Variants in FYB1 observed in about 807,000 individuals in gnomAD.
The protein encoded by FYB1 is FYN binding protein 1, also known as FYN-binding protein 1.
FYB1 carries 41 observed loss-of-function variants against 94.1 expected under a neutral mutation model. That is an observed-to-expected ratio of 0.44 (90% confidence interval 0.34 to 0.57). FYB1 has a LOEUF of 0.57. FYB1 is among the 20% of genes least tolerant of loss of function. The pLI is 0.02. For synonymous variants in FYB1, 367 were observed against 353.2 expected, an observed-to-expected ratio of 1.04 and a Z score of -0.44; for missense variants, 1,050 against 976.8, an observed-to-expected ratio of 1.07 and a Z score of -1.00.
chr5:39,231,163 A>AAAAAAAAAAAAAAAAAAAAAAAAC (rs1561294075), intron 1 of FYB1, among the ~76,000 whole-genome samples: 1 of 118,954 alleles, frequency 8.4e-6, no homozygotes, highest in African/African-American at 4.1e-5. Context: ...AAAAAAAAAC[A>AAAAAAAAAAAAAAAAAAAAAAAAC]AAAAAAAACA....
chr5:39,272,670 C>CAAA (rs1195291951), intron 1 of FYB1, among the ~76,000 whole-genome samples: 38 of 70,794 alleles, frequency 5.4e-4, no homozygotes, highest in African/African-American at 7.9e-4. Flanking sequence ...AGACTCATCT[C>CAAA]AAAAAAAAAA....
rs1738628525 is a variant in FYB1, at chr5:39,107,405, G to A, written c.*38C>T. 1.4e-6 allele frequency: 2 copies of A among 1,443,548 alleles called. No individual in the cohort carries two copies. Among genetic ancestry groups the A allele is most frequent in the Non-Finnish European group, 1.8e-6 (2 of 1,081,208 alleles). The allele number at this position is 1,443,548 out of a possible 1,614,324, so 89.4% of individuals were successfully genotyped here. A position where few individuals can be genotyped will look rare whatever the true frequency, so the allele number is the denominator to read the frequency against. The stretch of plus-strand genomic sequence containing the variant: ...CAATTAAAATCCAGACTTCACATTG[G>A]CACCTAATGAACACAGCAGAATGAC... On this transcript the variant is annotated 3_prime_UTR_variant, in exon 19 of 19. Transcript: ENST00000512982.
intron 2 of FYB1, among the ~76,000 whole-genome samples, chr5:39,161,020 G>A (rs114181836): frequency 0.011 from 1,741 of 152,336 alleles, 33 homozygotes; most frequent in African/African-American, 0.039. Flanking sequence ...TGGTGTGGCT[G>A]TCCTGTGATT....
upstream of FYB1, among the ~76,000 whole-genome samples, chr5:39,221,793 T>C (rs1750274741): frequency 6.6e-6 from 1 of 152,128 alleles, no homozygotes; most frequent in South Asian, 2.1e-4. Flanking sequence ...GGTCAGGAGT[T>C]CGAGACTAGC....
intron 1 of FYB1, among the ~76,000 whole-genome samples, chr5:39,229,059 G>T (rs568690034): frequency 6.6e-6 from 1 of 152,260 alleles, no homozygotes; most frequent in African/African-American, 2.4e-5. Context: ...GTATGGCTAC[G>T]ATCCTAGGAC....
chr5:39,272,390 C>A (rs1198547416), intron 1 of FYB1, among the ~76,000 whole-genome samples: 2 of 151,870 alleles, frequency 1.3e-5, no homozygotes, highest in East Asian at 3.9e-4. Flanking sequence ...TCAGCCCGGG[C>A]GCGGTGGCTC....
chr5:39,221,613 A>T (rs1239559383), upstream of FYB1, among the ~76,000 whole-genome samples: 1 of 152,178 alleles, frequency 6.6e-6, no homozygotes, highest in East Asian at 1.9e-4. Context: ...GGGACAGTTG[A>T]TCTTGGGCCA....
At chr5:39,123,387 T>C (rs1740315179) in intron 13 of FYB1, among the ~76,000 whole-genome samples, 1 of 152,176 alleles carries the variant, frequency 6.6e-6, no homozygotes, top group Non-Finnish European at 1.5e-5. Context: ...ACTTAAAACA[T>C]ATTTAAGAAC....
intron 3 of FYB1, among the ~76,000 whole-genome samples, chr5:39,147,452 C>CTGTA (rs1742762966): frequency 6.9e-6 from 1 of 144,516 alleles, no homozygotes; most frequent in Non-Finnish European, 1.5e-5. Context: ...GTACATATGC[C>CTGTA]TGTGTGTGTG....
intron 1 of FYB1, among the ~76,000 whole-genome samples, chr5:39,256,797 G>C (rs1211501876): frequency 1.3e-5 from 2 of 152,192 alleles, no homozygotes; most frequent in Non-Finnish European, 2.9e-5. Flanking sequence ...CTGAAATGCT[G>C]TCTCATGTAG....
At chr5:39,217,631 A>T (rs963915565) in intron 1 of FYB1, among the ~76,000 whole-genome samples, 27 of 152,104 alleles carry the variant, frequency 1.8e-4, no homozygotes, top group African/African-American at 6.0e-4. Flanking sequence ...CCATTTAGGA[A>T]CTCACCCAAG....
At chr5:39,134,793 T>C (rs1741517632) in intron 8 of FYB1, 62 bp downstream of exon 8, 1 of 1,558,894 alleles carries the variant, frequency 6.4e-7, no homozygotes, top group South Asian at 1.1e-5. Context: ...TGGAGGAATA[T>C]GTACATTGAA....
chr5:39,232,494 T>TAA lies in FYB1; in HGVS notation c.-27-29509_-27-29508dup. 2.0e-5 allele frequency among the ~76,000 whole-genome samples: 3 copies of TAA among 152,258 alleles called. No individual in the cohort carries two copies. The East Asian group carries it at 5.8e-4, about 29-fold the overall frequency. ...ATTAAATCCTCATGTAAAGCCATTG[T>TAA]AAGTGTGACATTTTAGCATAAACAT... On this transcript the variant is annotated intron_variant, in intron 1 of 1. Coordinates refer to the FYB1 transcript ENST00000510188.
At chr5:39,268,820 C>G (rs1752548375) in intron 1 of FYB1, among the ~76,000 whole-genome samples, 1 of 152,168 alleles carries the variant, frequency 6.6e-6, no homozygotes, top group African/African-American at 2.4e-5. Flanking sequence ...CTGCCTCGGC[C>G]TCCCAAAGTG....
upstream of FYB1, among the ~76,000 whole-genome samples, chr5:39,220,492 A>G (rs949045130): frequency 2.0e-5 from 3 of 151,838 alleles, no homozygotes; most frequent in Non-Finnish European, 4.4e-5. Context: ...AAAAGAAAAG[A>G]GAAAAAAAGA....
At chr5:39,193,660 G>T (rs1235481530) in intron 2 of FYB1, among the ~76,000 whole-genome samples, 3 of 152,190 alleles carry the variant, frequency 2.0e-5, no homozygotes, top group African/African-American at 7.2e-5. Context: ...TGAGTGAGCA[G>T]CCTGGGAAGG....
chr5:39,208,683 A>G (rs1749074176), intron 1 of FYB1, among the ~76,000 whole-genome samples: 1 of 152,170 alleles, frequency 6.6e-6, no homozygotes, highest in African/African-American at 2.4e-5. Flanking sequence ...GTCCTGCCTA[A>G]GGCTTCGGAG....
At chr5:39,115,160 A>G (rs941801421) in intron 16 of FYB1, among the ~76,000 whole-genome samples, 3 of 151,712 alleles carry the variant, frequency 2.0e-5, no homozygotes, top group Non-Finnish European at 4.4e-5. Flanking sequence ...CAGTGGTGCA[A>G]TCTCGGCTAA....
chr5:39,168,561 C>T (rs1744950705), intron 2 of FYB1, among the ~76,000 whole-genome samples: 2 of 152,112 alleles, frequency 1.3e-5, no homozygotes, highest in Admixed American at 6.5e-5. Flanking sequence ...GTAAAGATAC[C>T]TCCACCTTAT....
Sources: gnomAD v4.1 joint callset for allele counts (sites outside exome capture counted in the v4.1 genomes callset) on GRCh38, gnomAD v4.1.1 for gene constraint, MANE v1.5 for transcripts, NCBI Gene and HGNC (gene_info 2026-07-23, HGNC 2026-07-21) for gene names.